EMCN: variants seen among roughly 807,000 people sequenced by gnomAD.
EMCN encodes the protein endomucin, also known as MUC-14.
Under a neutral mutation model 38.4 loss-of-function variants are expected in EMCN, and 37 were observed. The ratio of observed to expected loss-of-function variants is 0.96; its 90% confidence interval spans 0.74 to 1.27. EMCN has a LOEUF of 1.27. Ranked by LOEUF, EMCN falls within the 50% of genes most tolerant of loss-of-function variation. EMCN has a pLI of 0.00. For synonymous variants in EMCN, 95 were observed against 100.8 expected (o/e 0.94, Z 0.35); for missense variants, 318 against 302.8 (o/e 1.05, Z -0.37).
chr4:100,400,057 G>T (rs1560599852), intron 11 of EMCN, among the ~76,000 whole-genome samples: 1 of 152,032 alleles, frequency 6.6e-6, no homozygotes, highest in Non-Finnish European at 1.5e-5. Flanking sequence ...GGGAAACAAG[G>T]CTTCCTGTGA....
intron 10 of EMCN, among the ~76,000 whole-genome samples, chr4:100,415,092 T>G (rs1726678464): frequency 6.6e-6 from 1 of 152,186 alleles, no homozygotes. Context: ...TGACAGAGTT[T>G]CACCATTTTG....
intron 4 of EMCN, among the ~76,000 whole-genome samples, chr4:100,455,267 C>G (rs1382985587): frequency 2.0e-5 from 3 of 151,972 alleles, no homozygotes; most frequent in Non-Finnish European, 4.4e-5. Flanking sequence ...TGTCGTAAAC[C>G]TTCCATACAT....
At chr4:100,484,614 G>A (rs1002451157) in intron 1 of EMCN, among the ~76,000 whole-genome samples, 6 of 152,004 alleles carry the variant, frequency 3.9e-5, no homozygotes, top group Admixed American at 2.0e-4. Flanking sequence ...TCCTCTTTGG[G>A]ACGGCGGATC....
At chr4:100,514,262 T>C (rs1729699515) in intron 1 of EMCN, among the ~76,000 whole-genome samples, 1 of 152,126 alleles carries the variant, frequency 6.6e-6, no homozygotes, top group East Asian at 1.9e-4. Context: ...TCTTTCCTAA[T>C]CTCTGCTCCC....
At chr4:100,464,186 T>C (rs190889301) in intron 4 of EMCN, among the ~76,000 whole-genome samples, 277 of 152,002 alleles carry the variant, frequency 1.8e-3, no homozygotes, top group African/African-American at 6.2e-3. Context: ...ATTATTTTCT[T>C]AATTTTATTT....
intron 4 of EMCN, among the ~76,000 whole-genome samples, chr4:100,452,065 T>A (rs1727853153): frequency 6.6e-6 from 1 of 151,984 alleles, no homozygotes; most frequent in South Asian, 2.1e-4. Flanking sequence ...ATAAGCTAAC[T>A]TACTCTTGGC....
chr4:100,436,376 A>T (rs531395256), intron 5 of EMCN, among the ~76,000 whole-genome samples: 1 of 152,258 alleles, frequency 6.6e-6, no homozygotes, highest in South Asian at 2.1e-4. Context: ...TGCTGATGAG[A>T]TTGCAGAGAA....
chr4:100,493,995 A>T lies in EMCN; in HGVS notation c.65-13956T>A, dbSNP rs960668516. ...GGATTTATAGCTCTTTGGTTCCAGG[A>T]TATACCAGTTCTAAGTGCTGGGACA... On this transcript the variant is annotated intron_variant, in intron 1 of 11. Transcript: ENST00000296420. Among the ~76,000 whole-genome samples, 4 of 152,190 alleles carry T rather than the reference A, an allele frequency of 2.6e-5. No homozygotes were observed. The East Asian group carries it at 7.7e-4, about 29-fold the overall frequency.
At chr4:100,415,404 A>G (rs1207953216) in intron 10 of EMCN, among the ~76,000 whole-genome samples, 4 of 152,196 alleles carry the variant, frequency 2.6e-5, no homozygotes, top group Non-Finnish European at 5.9e-5. Flanking sequence ...GAATATACCT[A>G]AGAAACTGGA....
chr4:100,480,039 C>T lies in EMCN; in HGVS notation c.65G>A (p.Gly22Asp). 6.2e-7 allele frequency: 1 copy of T among 1,601,434 alleles called. No individual in the cohort carries two copies. The highest frequency in any genetic ancestry group is 8.5e-7 in the Non-Finnish European group (1 of 1,175,168). The change falls in exon 2 of 12, where the codon GGT (glycine) becomes GAT (aspartate). Residue 22 changes from glycine to aspartate, a missense_variant and splice_region_variant. Gly to Asp is a moderately conservative substitution (Grantham distance 94). Transcript: ENST00000296420. ...LPSICSSNST[G>D]VLEAANNSLV... ...TGAATTATTAGCTGCCTCTAAAACA[C>T]CTGAAAAAAGTAAAGTAGTTGCATT...
rs1726102001 is a variant in EMCN, at chr4:100,395,667, A to T, written c.*2746T>A. The T allele has an allele frequency of 6.6e-6, 1 of 152,224 alleles. No homozygotes were observed. Among genetic ancestry groups the T allele is most frequent in the African/African-American group, 2.4e-5 (1 of 41,470 alleles). 9.4% of individuals were successfully genotyped at this position (152,224 alleles called of 1,614,324 possible). A position where few individuals can be genotyped will look rare whatever the true frequency, so the allele number is the denominator to read the frequency against. On this transcript the variant is annotated 3_prime_UTR_variant, in exon 12 of 12. Coordinates refer to ENST00000296420, the MANE Select transcript of EMCN (RefSeq NM_016242.4). The stretch of plus-strand genomic sequence containing the variant: ...ATCAGGCAAAAAATCAGGAATGTTC[A>T]TCATCGAAGGTTTGACTATGTCCTC...
intron 5 of EMCN, among the ~76,000 whole-genome samples, chr4:100,445,743 C>T (rs890590867): frequency 6.6e-6 from 1 of 151,868 alleles, no homozygotes. Context: ...ATAAAGAATA[C>T]CCTGTTAATA....
At chr4:100,478,574 G>A (rs1183627109) in intron 2 of EMCN, among the ~76,000 whole-genome samples, 1 of 151,956 alleles carries the variant, frequency 6.6e-6, no homozygotes, top group African/African-American at 2.4e-5. Context: ...GCAGGAAGGG[G>A]AAATAAAAAG....
chr4:100,475,164 CAATA>C (rs1310840792), intron 2 of EMCN, 55 bp from the exon 3 acceptor site: 24 of 921,258 alleles, frequency 2.6e-5, no homozygotes, highest in Middle Eastern at 2.4e-4. Context: ...TGTTATCTGT[CAATA>C]AATAAAGTAA....
chr4:100,407,861 A>C (rs1031387339), intron 11 of EMCN, among the ~76,000 whole-genome samples: 1 of 152,142 alleles, frequency 6.6e-6, no homozygotes, highest in Admixed American at 6.6e-5. Flanking sequence ...CAGGGATGCC[A>C]ATGGGTCATA....
chr4:100,462,296 G>C (rs1728201174), intron 4 of EMCN, among the ~76,000 whole-genome samples: 1 of 152,102 alleles, frequency 6.6e-6, no homozygotes. Flanking sequence ...TTGGAAGAAA[G>C]CCATTTTAAA....
Position 100,417,115 on chromosome 4 carries a change from AC to A in EMCN, c.689+1del, listed in dbSNP as rs1253814251. On this transcript the variant is annotated splice_donor_variant, in intron 9 of 11. Transcript: ENST00000296420. LOFTEE classifies it high-confidence loss of function. ...AACAAAAGATGATATGGGCTTACTT[AC>A]TGATCATTTCCATTTTCTGGTGTGC... 3 of 1,613,706 alleles carry A rather than the reference AC, an allele frequency of 1.9e-6. No homozygotes were observed. Among genetic ancestry groups the A allele is most frequent in the Non-Finnish European group, 1.7e-6 (2 of 1,179,692 alleles).
At chr4:100,486,971 T>C in intron 1 of EMCN, 1 of 985,234 alleles carries the variant, frequency 1.0e-6, no homozygotes, top group South Asian at 4.7e-5. Context: ...GATTGTGGAC[T>C]TTAGTATAAG....
At chr4:100,517,632 T>C (rs1022701172) in intron 1 of EMCN, among the ~76,000 whole-genome samples, 4 of 152,080 alleles carry the variant, frequency 2.6e-5, no homozygotes, top group African/African-American at 9.7e-5. Context: ...GAACATGCTT[T>C]CAGGCTGCTG....
Sources: allele counts gnomAD v4.1 joint callset (sites outside exome capture counted in the v4.1 genomes callset), GRCh38; gene constraint gnomAD v4.1.1; transcripts MANE v1.5; gene names NCBI Gene and HGNC (gene_info 2026-07-23, HGNC 2026-07-21).